The following ALG14 variants were observed in gnomAD, a reference collection of about 807,000 sequenced individuals.
ALG14 encodes the protein UDP-N-acetylglucosamine transferase subunit ALG14.
In ALG14, 17 loss-of-function variants were observed where a neutral mutation model predicts 22.8. The observed-to-expected ratio is 0.75, with a 90% CI of 0.51 to 1.12. The LOEUF (loss-of-function observed/expected upper bound fraction) is 1.12. Among genes scored for constraint, ALG14 ranks in the 50% most tolerant of loss-of-function variants. ALG14 has a pLI of 0.00. For synonymous variants in ALG14, 89 were observed against 103.7 expected (o/e 0.86, Z 0.86); for missense variants, 288 against 271.8 (o/e 1.06, Z -0.42).
chr1:95,064,107 C>T (rs937258427), intron 2 of ALG14, among the ~76,000 whole-genome samples: 1 of 152,114 alleles, frequency 6.6e-6, no homozygotes, highest in Admixed American at 6.5e-5. Context: ...TATAGGAATG[C>T]TAGTGATTCT....
chr1:95,026,554 C>CACA (rs1673825128), intron 3 of ALG14, among the ~76,000 whole-genome samples: 1 of 151,694 alleles, frequency 6.6e-6, no homozygotes, highest in Non-Finnish European at 1.5e-5. Flanking sequence ...GCAGTCAGAA[C>CACA]ACATACATTT....
chr1:95,031,421 C>T (rs1206841281), intron 2 of ALG14, among the ~76,000 whole-genome samples: 2 of 152,160 alleles, frequency 1.3e-5, no homozygotes, highest in African/African-American at 4.8e-5. Flanking sequence ...CAGGAGAGTC[C>T]ATCTGGTGCC....
intron 2 of ALG14, among the ~76,000 whole-genome samples, chr1:95,040,539 T>C (rs1483364662): frequency 6.6e-6 from 1 of 152,040 alleles, no homozygotes; most frequent in Non-Finnish European, 1.5e-5. Flanking sequence ...GTGGTGTGAC[T>C]GCAACTACCA....
intron 3 of ALG14, among the ~76,000 whole-genome samples, chr1:95,017,953 T>C (rs960489214): frequency 6.6e-6 from 1 of 152,146 alleles, no homozygotes; most frequent in Non-Finnish European, 1.5e-5. Context: ...TAAAAGCAAG[T>C]GCATCTGCCA....
At chr1:94,999,183 G>A (rs1199494754) in intron 3 of ALG14, among the ~76,000 whole-genome samples, 1 of 151,448 alleles carries the variant, frequency 6.6e-6, no homozygotes, top group Non-Finnish European at 1.5e-5. Flanking sequence ...GAGAGAGCTT[G>A]TCCCAGAGGT....
rs79534055 is a variant in ALG14 at position 94,994,327 on chromosome 1, T to C, written c.421-11021A>G. The stretch of plus-strand genomic sequence containing the variant: ...CCTACTAACCCAGTATTTTTTCCTT[T>C]TGTTTTCTCCACACCCTGAAGTAAG... On this transcript the variant is annotated intron_variant, in intron 3 of 3. Transcript: ENST00000370205. Among the ~76,000 whole-genome samples the C allele has an allele frequency of 2.2e-4, 33 of 152,314 alleles. No individual in the cohort carries two copies. The East Asian group carries it at 6.4e-3, about 29-fold the overall frequency.
At chr1:95,011,379 A>C (rs1673355989) in intron 3 of ALG14, among the ~76,000 whole-genome samples, 1 of 152,090 alleles carries the variant, frequency 6.6e-6, no homozygotes, top group Non-Finnish European at 1.5e-5. Flanking sequence ...ATGACGCCTT[A>C]ACTGTGGACT....
At chr1:95,023,314 G>C (rs1044099612) in intron 3 of ALG14, among the ~76,000 whole-genome samples, 1 of 152,150 alleles carries the variant, frequency 6.6e-6, no homozygotes, top group Non-Finnish European at 1.5e-5. Flanking sequence ...AGTAGAGACA[G>C]GGTTTCACCA....
rs1672359050 is a variant in ALG14, at chr1:94,974,544, T to C, written c.*8532A>G. On this transcript the variant is annotated 3_prime_UTR_variant, in exon 4 of 4. Coordinates refer to ENST00000370205, the MANE Select transcript of ALG14 (RefSeq NM_144988.4). Reference sequence around the variant, plus strand: ...AGATTTAAAAGAATCCATTGGTTTCTTTTTCACTGCTGCATGCAGGCCAAG... The same window carrying C: ...AGATTTAAAAGAATCCATTGGTTTCCTTTTCACTGCTGCATGCAGGCCAAG... 1 of 152,212 alleles carries C rather than the reference T, an allele frequency of 6.6e-6. No homozygotes were observed. The highest frequency in any genetic ancestry group is 2.4e-5 in the African/African-American group (1 of 41,462). 9.4% of individuals were successfully genotyped at this position (152,212 alleles called of 1,614,324 possible).
chr1:95,014,933 G>C (rs1488094204), intron 3 of ALG14, among the ~76,000 whole-genome samples: 3 of 152,142 alleles, frequency 2.0e-5, no homozygotes, highest in Non-Finnish European at 4.4e-5. Flanking sequence ...AAAAAGACTC[G>C]AGTTCCTAAG....
chr1:95,053,741 C>T (rs1674831290), intron 2 of ALG14, among the ~76,000 whole-genome samples: 1 of 152,088 alleles, frequency 6.6e-6, no homozygotes, highest in Non-Finnish European at 1.5e-5. Flanking sequence ...CTCTCTCTTA[C>T]TGAATAGATC....
At chr1:95,000,535 T>TAAAAAAAA (rs71588535) in intron 3 of ALG14, among the ~76,000 whole-genome samples, 1 of 70,618 alleles carries the variant, frequency 1.4e-5, no homozygotes, top group African/African-American at 5.5e-5. Context: ...GACCCTGTCC[T>TAAAAAAAA]AAAAAAAAAA....
intron 3 of ALG14, among the ~76,000 whole-genome samples, chr1:95,010,538 A>G (rs1673333805): frequency 6.6e-6 from 1 of 152,248 alleles, no homozygotes; most frequent in Non-Finnish European, 1.5e-5. Flanking sequence ...TATCATTGAT[A>G]TAGACACAAT....
At chr1:95,047,164 C>G (rs1424399314) in intron 2 of ALG14, among the ~76,000 whole-genome samples, 1 of 151,992 alleles carries the variant, frequency 6.6e-6, no homozygotes, top group Non-Finnish European at 1.5e-5. Flanking sequence ...AAAAAACACC[C>G]AACACTGTCT....
chr1:95,038,729 T>G (rs570183850), intron 2 of ALG14, among the ~76,000 whole-genome samples: 14 of 149,862 alleles, frequency 9.3e-5, no homozygotes, highest in Non-Finnish European at 1.8e-4. Flanking sequence ...TTTTTTTTTT[T>G]TTTTTTTGAG....
intron 2 of ALG14, among the ~76,000 whole-genome samples, chr1:95,038,777 G>A (rs958099086): frequency 4.7e-5 from 7 of 148,804 alleles, no homozygotes; most frequent in East Asian, 3.9e-4. Context: ...GGAGAGCAGC[G>A]GCATGATCAT....
At chr1:95,068,992 G>A (rs889596622) in intron 1 of ALG14, among the ~76,000 whole-genome samples, 4 of 152,102 alleles carry the variant, frequency 2.6e-5, no homozygotes, top group African/African-American at 4.8e-5. Context: ...ATCTGAATGC[G>A]ATTGCTTTTC....
intron 2 of ALG14, among the ~76,000 whole-genome samples, chr1:95,037,913 A>G (rs1293605773): frequency 1.3e-5 from 2 of 152,324 alleles, no homozygotes; most frequent in African/African-American, 4.8e-5. Flanking sequence ...GGGCTAGGGA[A>G]ACAGAGGTGA....
chr1:95,065,363 G>T (rs1267618777), intron 1 of ALG14, among the ~76,000 whole-genome samples: 1 of 152,032 alleles, frequency 6.6e-6, no homozygotes, highest in Non-Finnish European at 1.5e-5. Flanking sequence ...AAGACAGTAA[G>T]AAAAACTAAA....
Sources: allele counts gnomAD v4.1 joint callset (sites outside exome capture counted in the v4.1 genomes callset), GRCh38; gene constraint gnomAD v4.1.1; transcripts MANE v1.5; gene names NCBI Gene and HGNC (gene_info 2026-07-23, HGNC 2026-07-21).